HDAC4: variants seen among roughly 807,000 people sequenced by gnomAD.
HDAC4 encodes the protein histone deacetylase 4, also known as histone deacetylase A.
HDAC4 carries 16 observed loss-of-function variants against 135.1 expected under a neutral mutation model. The ratio of observed to expected loss-of-function variants is 0.12; its 90% CI spans 0.08 to 0.18. HDAC4 has a LOEUF of 0.18. HDAC4 is among the 10% of genes least tolerant of loss of function. HDAC4 has a pLI of 1.00. For synonymous variants in HDAC4, 685 were observed against 653.4 expected (o/e 1.05, Z -0.74); for missense variants, 1,143 against 1,511.8 (o/e 0.76, Z 4.05).
At chr2:239,353,875 T>C (rs12988669) in intron 1 of HDAC4, among the ~76,000 whole-genome samples, 19,238 of 152,266 alleles carry the variant, frequency 0.13, 1,435 homozygotes, top group Middle Eastern at 0.21. Flanking sequence ...TCCATAGACA[T>C]TCGTAGTCAC....
Position 239,081,097 on chromosome 2 carries a change from G to A in HDAC4, c.2748C>T (p.Phe916=). 6.2e-7 allele frequency: 1 copy of A among 1,612,846 alleles called. No individual in the cohort carries two copies. Among genetic ancestry groups the A allele is most frequent in the African/African-American group, 1.3e-5 (1 of 75,058 alleles). ...PMGDAEYLAA[F]RTVVMPIASE... Reference sequence around the variant, plus strand: ...TCATGTGAAGCCGGGAGGCTCACCTGAAGGCCGCCAAGTACTCAGCGTCTC... The same window carrying A: ...TCATGTGAAGCCGGGAGGCTCACCTAAAGGCCGCCAAGTACTCAGCGTCTC... The change falls in exon 22 of 27, where the codon TTC becomes TTT. Residue 916 remains phenylalanine, a splice_region_variant and synonymous_variant. Transcript: ENST00000543185.
intron 7 of HDAC4, among the ~76,000 whole-genome samples, chr2:239,152,264 G>A (rs2042162732): frequency 6.6e-6 from 1 of 152,214 alleles, no homozygotes; most frequent in Admixed American, 6.5e-5. Flanking sequence ...ACACAGTGCA[G>A]GAAAGATCCA....
chr2:239,392,300 T>C (rs1316683947), intron 1 of HDAC4, among the ~76,000 whole-genome samples: 1 of 152,224 alleles, frequency 6.6e-6, no homozygotes, highest in East Asian at 1.9e-4. Context: ...GACATCTCCT[T>C]TGATGCATCC....
intron 24 of HDAC4, among the ~76,000 whole-genome samples, chr2:239,057,712 C>T (rs959299177): frequency 2.6e-5 from 4 of 152,174 alleles, no homozygotes; most frequent in Admixed American, 6.5e-5. Flanking sequence ...TCCTCACAAA[C>T]GCGAGCTGGG....
At chr2:239,195,393 G>A (rs2045311674) in intron 3 of HDAC4, among the ~76,000 whole-genome samples, 1 of 152,208 alleles carries the variant, frequency 6.6e-6, no homozygotes, top group Non-Finnish European at 1.5e-5. Flanking sequence ...ACAGGGCAAG[G>A]AGACCCACCC....
intron 22 of HDAC4, among the ~76,000 whole-genome samples, chr2:239,073,957 C>G (rs2034464165): frequency 6.6e-6 from 1 of 151,454 alleles, no homozygotes; most frequent in Non-Finnish European, 1.5e-5. Context: ...TAATGGGCAG[C>G]AGGACTGAGG....
intron 2 of HDAC4, among the ~76,000 whole-genome samples, chr2:239,320,190 C>A (rs1377575977): frequency 6.6e-6 from 1 of 151,958 alleles, no homozygotes; most frequent in African/African-American, 2.4e-5. Context: ...CAAGACCAGC[C>A]TGGCCAACAT....
intron 5 of HDAC4, among the ~76,000 whole-genome samples, chr2:239,171,939 C>T (rs915078256): frequency 2.4e-4 from 37 of 152,014 alleles, no homozygotes; most frequent in African/African-American, 8.9e-4. Context: ...ACATTTTGAA[C>T]AGAAAGAAAA....
intron 4 of HDAC4, among the ~76,000 whole-genome samples, chr2:239,184,501 G>T (rs916556758): frequency 2.2e-4 from 17 of 75,582 alleles, no homozygotes; most frequent in East Asian, 7.4e-4. Flanking sequence ...GTGCCCTATG[G>T]GGGGGGGTCC....
chr2:239,398,122 A>T (rs1290690583), intron 1 of HDAC4, among the ~76,000 whole-genome samples: 2 of 152,208 alleles, frequency 1.3e-5, no homozygotes, highest in African/African-American at 2.4e-5. Flanking sequence ...GCCCGGCCAC[A>T]GCCTGTCGCC....
chr2:239,139,861 G>A lies in HDAC4; in HGVS notation c.866-65C>T. On this transcript the variant is annotated intron_variant, in intron 8 of 26. Transcript: ENST00000543185. The surrounding 1 kb of genome is among the most constrained non-coding windows in gnomAD (Gnocchi z 5.3). ...CGGAGGGAGGGCCGTGCTGACCTGT[G>A]GCCCGAATGCCCGGTGCCTTCCACG... The A allele has an allele frequency of 7.2e-7, 1 of 1,389,438 alleles. No homozygotes were observed. The highest frequency in any genetic ancestry group is 1.7e-5 in the Admixed American group (1 of 59,214). The allele number at this position is 1,389,438 out of a possible 1,614,324, so 86.1% of individuals were successfully genotyped here.
At chr2:239,184,120 A>G (rs542158281) in intron 4 of HDAC4, among the ~76,000 whole-genome samples, 1 of 148,856 alleles carries the variant, frequency 6.7e-6, no homozygotes, top group African/African-American at 2.4e-5. Flanking sequence ...AACAGTGTGT[A>G]AATGATTTTT....
chr2:239,156,280 C>T (rs1220173233), intron 7 of HDAC4, among the ~76,000 whole-genome samples: 1 of 152,226 alleles, frequency 6.6e-6, no homozygotes, highest in Middle Eastern at 3.2e-3. Flanking sequence ...GCCACAGGCT[C>T]ACCTGCTCTC....
intron 3 of HDAC4, among the ~76,000 whole-genome samples, chr2:239,209,365 T>C (rs1379391353): frequency 2.0e-5 from 3 of 152,208 alleles, no homozygotes; most frequent in Non-Finnish European, 4.4e-5. Context: ...GAGAAGCAGT[T>C]GAGGTGGTCC....
At chr2:239,345,772 CA>C (rs1289547539) in intron 2 of HDAC4, among the ~76,000 whole-genome samples, 2 of 147,042 alleles carry the variant, frequency 1.4e-5, no homozygotes, top group Non-Finnish European at 3.0e-5. Flanking sequence ...GTCTCACACA[CA>C]TGCACTCAAA....
chr2:239,255,359 T>C (rs1284850288), intron 2 of HDAC4, among the ~76,000 whole-genome samples: 1 of 151,994 alleles, frequency 6.6e-6, no homozygotes, highest in Non-Finnish European at 1.5e-5. Context: ...CCTGGTTGGT[T>C]TCCTCTTAAG....
At chr2:239,280,581 G>C (rs568793732) in intron 2 of HDAC4, among the ~76,000 whole-genome samples, 7 of 152,292 alleles carry the variant, frequency 4.6e-5, no homozygotes, top group African/African-American at 1.4e-4. Flanking sequence ...AACATTGTGG[G>C]AGCAGGTGCA....
intron 2 of HDAC4, among the ~76,000 whole-genome samples, chr2:239,345,043 C>A (rs1692523450): frequency 6.6e-6 from 1 of 152,128 alleles, no homozygotes; most frequent in Admixed American, 6.5e-5. Context: ...GCTGGCTGCA[C>A]CTGCTGCCTA....
intron 1 of HDAC4, among the ~76,000 whole-genome samples, chr2:239,391,847 G>A (rs1228971319): frequency 2.0e-5 from 3 of 152,338 alleles, no homozygotes; most frequent in East Asian, 1.9e-4. Context: ...CAGCTCCCAC[G>A]TGCCTCAGCT....
Sources: gnomAD v4.1 joint callset for allele counts (sites outside exome capture counted in the v4.1 genomes callset) on GRCh38, gnomAD v4.1.1 for gene constraint, Gnocchi (gnomAD v3.1) non-coding constraint, MANE v1.5 for transcripts, NCBI Gene and HGNC (gene_info 2026-07-23, HGNC 2026-07-21) for gene names.